Variants in ATM observed in about 807,000 individuals in gnomAD.
The protein encoded by ATM is ATM serine/threonine kinase, also known as serine-protein kinase ATM.
Under a neutral mutation model 387.0 loss-of-function variants are expected in ATM, and 308 were observed. That is an observed-to-expected ratio of 0.80 (90% confidence interval 0.73 to 0.87). The LOEUF (loss-of-function observed/expected upper bound fraction) is 0.87, where lower values mean the gene tolerates loss of function less well. Among genes scored for constraint, ATM ranks in the 40% least tolerant of loss-of-function variants. ATM has a pLI of 0.00. For missense variants in ATM, 3,312 were observed against 3,560.9 expected (o/e 0.93, Z 1.78); for synonymous variants, 1,156 against 1,187.3 (o/e 0.97, Z 0.54).
intron 61 of ATM, among the ~76,000 whole-genome samples, chr11:108,360,697 A>T: frequency 6.8e-6 from 1 of 146,028 alleles, no homozygotes. Context: ...GACAAAAACC[A>T]CATGATTATC....
intron 38 of ATM, among the ~76,000 whole-genome samples, chr11:108,309,490 T>G (rs2083964154): frequency 6.6e-6 from 1 of 152,192 alleles, no homozygotes; most frequent in Admixed American, 6.5e-5. Context: ...AGAAGTTAAG[T>G]TGCTGAAGAT....
chr11:108,327,967 G>A (rs1193012156), intron 48 of ATM, among the ~76,000 whole-genome samples: 1 of 152,152 alleles, frequency 6.6e-6, no homozygotes, highest in Non-Finnish European at 1.5e-5. Flanking sequence ...CCCAAGTATA[G>A]TATCTCTTCT....
At chr11:108,317,084 C>T (rs1224909375) in intron 42 of ATM, among the ~76,000 whole-genome samples, 5 of 144,064 alleles carry the variant, frequency 3.5e-5, no homozygotes, top group Non-Finnish European at 4.5e-5. Flanking sequence ...CAGGTACACA[C>T]TACCATACCC....
chr11:108,329,398 C>T (rs1026012911), intron 49 of ATM, 160 bp downstream of exon 49: 6 of 720,476 alleles, frequency 8.3e-6, no homozygotes, highest in African/African-American at 1.8e-5. Context: ...GGGTTCTTTT[C>T]GGTTTTTGTT....
At chr11:108,317,601 T>C in intron 43 of ATM, 80 bp downstream of exon 43, 1 of 928,736 alleles carries the variant, frequency 1.1e-6, no homozygotes, top group Non-Finnish European at 1.6e-6. Flanking sequence ...TCTATGAATA[T>C]AACAGGAGTT....
At chr11:108,330,624 CCTTTGTATTAT>C (rs1186542712) in intron 50 of ATM, among the ~76,000 whole-genome samples, 2 of 152,052 alleles carry the variant, frequency 1.3e-5, no homozygotes, top group Admixed American at 6.5e-5. Context: ...TACAAAAGTT[CCTTTGTATTAT>C]ATAAGCTGAC....
chr11:108,323,208 C>T (rs1565514475), intron 45 of ATM, among the ~76,000 whole-genome samples: 1 of 152,128 alleles, frequency 6.6e-6, no homozygotes, highest in Non-Finnish European at 1.5e-5. Flanking sequence ...AGAAGACATA[C>T]ATATTAATGT....
intron 29 of ATM, 49 bp downstream of exon 29, chr11:108,289,850 C>A (rs192533461): frequency 1.3e-6 from 2 of 1,550,990 alleles, no homozygotes; most frequent in African/African-American, 2.7e-5. Context: ...CTATCCTGTT[C>A]TTCCTGTTTT....
At chr11:108,355,086 A>G in intron 61 of ATM, 1 of 570,346 alleles carries the variant, frequency 1.8e-6, no homozygotes, top group Non-Finnish European at 3.1e-6. Flanking sequence ...GTTTCTTGGA[A>G]TGTTAGAGCA....
rs864622587 is a variant in ATM, at chr11:108,272,535, T to C, written c.3081T>C (p.His1027=). Residue 1027 remains histidine, a synonymous_variant, in exon 21 of 63, where the codon CAT becomes CAC. Coordinates refer to ENST00000675843, the MANE Select transcript of ATM (RefSeq NM_000051.4). ...QFLTVIGAFW[H]LTKERKYIFS... is the part of the protein sequence containing the mutation. ...TGGAAAACTTACTTGATTTCAGGCATCTAACAAAGGAGAGGAAATATATAT... is the reference window on the plus strand; with the variant it reads ...TGGAAAACTTACTTGATTTCAGGCACCTAACAAAGGAGAGGAAATATATAT... 1.1e-5 allele frequency: 18 copies of C among 1,610,974 alleles called. No homozygotes were observed. Among genetic ancestry groups the C allele is most frequent in the Non-Finnish European group, 1.4e-5 (17 of 1,177,244 alleles).
rs730881287 is a variant in ATM at position 108,271,039 on chromosome 11, A to AT, written c.2839-18dup. On this transcript the variant is annotated intron_variant, in intron 18 of 62. Coordinates refer to ENST00000675843, the MANE Select transcript of ATM (RefSeq NM_000051.4). ...AGTAAATGATTTGTGGATAAACCTG[A>AT]TTTTTTTCCCTCCTACCATCTTAGT... 25 of 1,595,570 alleles carry AT rather than the reference A, an allele frequency of 1.6e-5. 1 individual carries two copies. The East Asian group carries it at 5.4e-4, about 34-fold the overall frequency.
chr11:108,301,219 C>T (rs2083414950), intron 34 of ATM, among the ~76,000 whole-genome samples: 1 of 152,096 alleles, frequency 6.6e-6, no homozygotes, highest in South Asian at 2.1e-4. Flanking sequence ...ATTAGTGTGA[C>T]TTCAACTTAA....
Position 108,244,811 on chromosome 11 carries a change from TA to T in ATM, c.689del (p.Asn230IlefsTer4), listed in dbSNP as rs1057518965. ...AGACAAGAAAAGAGCTCTTCAGGTC[TA>T]AATCATATCTTAGCAGCTCTTACTA... Reference protein sequence around the residue: ...CARQEKSSSGLNHILAALTIF... With the variant: ...CARQEKSSSGXNHILAALTIF... On this transcript the variant is annotated frameshift_variant, in exon 7 of 63. Transcript: ENST00000675843. LOFTEE classifies it high-confidence loss of function. 1 of 1,613,856 alleles carries T rather than the reference TA, an allele frequency of 6.2e-7. No individual in the cohort carries two copies.
intron 32 of ATM, chr11:108,296,883 CAT>C: frequency 4.0e-6 from 1 of 251,784 alleles, no homozygotes; most frequent in Non-Finnish European, 7.8e-6. Flanking sequence ...AGATTATAGA[CAT>C]TTCCATCATT....
At chr11:108,317,218 C>T (rs923296080) in intron 42 of ATM, among the ~76,000 whole-genome samples, 155 bp from the exon 43 acceptor site, 3 of 152,180 alleles carry the variant, frequency 2.0e-5, no homozygotes, top group Admixed American at 1.3e-4. Flanking sequence ...AGATTACAGG[C>T]ATGAGCCACC....
intron 5 of ATM, among the ~76,000 whole-genome samples, chr11:108,240,977 AT>A (rs2079526891): frequency 6.6e-6 from 1 of 152,062 alleles, no homozygotes; most frequent in African/African-American, 2.4e-5. Context: ...GTACAAAAAT[AT>A]TTTTTCCTTA....
rs768362411 is a variant in ATM at position 108,272,815 on chromosome 11, C to T, written c.3247C>T (p.His1083Tyr). The T allele has an allele frequency of 1.2e-6, 2 of 1,613,922 alleles. No homozygotes were observed. The highest frequency in any genetic ancestry group is 2.7e-5 in the African/African-American group (2 of 74,900). Residue 1083 changes from histidine to tyrosine, a missense_variant, in exon 22 of 63, where the codon CAC (histidine) becomes TAC (tyrosine). His to Tyr is a moderately conservative substitution (Grantham distance 83, BLOSUM62 2). Coordinates refer to ENST00000675843, the MANE Select transcript of ATM (RefSeq NM_000051.4). ...VFTQFLADNHHQVRMLAAESI... is the reference protein window; with the variant it reads ...VFTQFLADNHYQVRMLAAESI... ...TACACAATTTCTTGCTGACAATCAT[C>T]ACCAAGTTCGCATGTTGGCTGCAGA... is the stretch of plus-strand genomic sequence containing the variant.
chr11:108,332,852 TA>T lies in ATM; in HGVS notation c.7880del (p.Tyr2627LeufsTer4), dbSNP rs1057516599. 1 of 1,612,534 alleles carries T rather than the reference TA, an allele frequency of 6.2e-7. No individual in the cohort carries two copies. Among genetic ancestry groups the T allele is most frequent in the Admixed American group, 1.7e-5 (1 of 60,004 alleles). ...VRSVEALCDA[Y>X]IILANLDATQ... ...AAGTGTTGAGGCACTTTGTGATGCT[TA>T]TATTATATTAGCAAACTTAGATGCC... On this transcript the variant is annotated frameshift_variant, in exon 53 of 63. Transcript: ENST00000675843. LOFTEE classifies it high-confidence loss of function.
At position 108,249,108 on chromosome 11, in the gene ATM, G is replaced by A. The variant is rs2080003881; in HGVS notation, c.1235+6G>A. On this transcript the variant is annotated splice_donor_region_variant and intron_variant, in intron 9 of 62. Coordinates refer to ENST00000675843, the MANE Select transcript of ATM (RefSeq NM_000051.4). ...GATTTTGATCTTGTGCCTTGGTAAA[G>A]TGTTACCATTTTCTCATTCAGTGTC... 6.2e-7 allele frequency: 1 copy of A among 1,613,544 alleles called. No individual in the cohort carries two copies. Among genetic ancestry groups the A allele is most frequent in the Non-Finnish European group, 8.5e-7 (1 of 1,179,828 alleles).
Sources: allele counts gnomAD v4.1 joint callset (sites outside exome capture counted in the v4.1 genomes callset), GRCh38; gene constraint gnomAD v4.1.1; transcripts MANE v1.5; gene names NCBI Gene and HGNC (gene_info 2026-07-23, HGNC 2026-07-21).